The following FRMD4B variants were observed in gnomAD, a reference collection of about 807,000 sequenced individuals.
FRMD4B encodes the protein FERM domain containing 4B.
FRMD4B carries 74 observed loss-of-function variants against 141.5 expected under a neutral mutation model. The observed-to-expected ratio is 0.52, with a 90% confidence interval of 0.43 to 0.63. The LOEUF (loss-of-function observed/expected upper bound fraction) is 0.63. Among genes scored for constraint, FRMD4B ranks in the 30% least tolerant of loss-of-function variants. FRMD4B has a pLI of 0.00. For missense variants in FRMD4B, 1,366 were observed against 1,253.4 expected (o/e 1.09, Z -1.36); for synonymous variants, 506 against 467.9 (o/e 1.08, Z -1.05).
intron 11 of FRMD4B, among the ~76,000 whole-genome samples, chr3:69,206,934 A>G (rs762407407): frequency 3.3e-5 from 5 of 152,136 alleles, no homozygotes; most frequent in Non-Finnish European, 7.4e-5. Flanking sequence ...GAATTTAACA[A>G]CTTTAGCTTA....
chr3:69,531,130 G>C (rs1454894756), intron 1 of FRMD4B, among the ~76,000 whole-genome samples: 2 of 152,150 alleles, frequency 1.3e-5, no homozygotes, highest in Non-Finnish European at 2.9e-5. Flanking sequence ...ATCATTTCTT[G>C]GAGTGGGGTG....
At position 69,537,942 on chromosome 3, in the gene FRMD4B, C is replaced by T. The variant is rs188820457; in HGVS notation, c.-129+4264G>A. On this transcript the variant is annotated intron_variant, in intron 1 of 5. Transcript: ENST00000459638. ...CTTTGATGTCCTCTGTCTACATGGTCTGGGTAGGACTCCATTGCTGGGGCA... is the reference window on the plus strand; with the variant it reads ...CTTTGATGTCCTCTGTCTACATGGTTTGGGTAGGACTCCATTGCTGGGGCA... Among the ~76,000 whole-genome samples the T allele has an allele frequency of 1.4e-3, 213 of 152,340 alleles. 1 individual carries two copies. The highest frequency in any genetic ancestry group is 4.7e-3 in the African/African-American group (196 of 41,576).
chr3:69,498,173 G>T (rs1409400595), intron 1 of FRMD4B, among the ~76,000 whole-genome samples: 1 of 152,216 alleles, frequency 6.6e-6, no homozygotes, highest in Admixed American at 6.5e-5. Context: ...TGCCTCCAGA[G>T]TTGGACCTCA....
chr3:69,437,625 AAT>A (rs1239029152), intron 1 of FRMD4B, among the ~76,000 whole-genome samples: 1 of 137,166 alleles, frequency 7.3e-6, no homozygotes, highest in Non-Finnish European at 1.5e-5. Context: ...ATACTATATA[AAT>A]ATATATACTA....
chr3:69,427,646 T>G (rs960268805), intron 2 of FRMD4B, among the ~76,000 whole-genome samples: 1 of 111,144 alleles, frequency 9.0e-6, no homozygotes, highest in African/African-American at 3.7e-5. Context: ...GGTAAATGTT[T>G]TTTTTTTTTT....
At chr3:69,268,889 T>G (rs1419588705) in intron 5 of FRMD4B, among the ~76,000 whole-genome samples, 2 of 151,896 alleles carry the variant, frequency 1.3e-5, no homozygotes, top group Non-Finnish European at 2.9e-5. Context: ...TCTTGTATAA[T>G]TGTGGTTATA....
rs33955997 is a variant in FRMD4B at position 69,205,059 on chromosome 3, C to CAAAAAAA, written c.877-6292_877-6286dup. 9.6e-5 allele frequency among the ~76,000 whole-genome samples: 12 copies of CAAAAAAA among 124,356 alleles called. 1 individual carries two copies. Among genetic ancestry groups the CAAAAAAA allele is most frequent in the African/African-American group, 3.5e-4 (11 of 31,164 alleles). The allele number at this position is 124,356 out of a possible 152,430, so 81.6% of individuals were successfully genotyped here. ...GTATGGGTATCTGTTATGTTTTTAA[C>CAAAAAAA]AAAAAAAAAAAAAAAGAAAAAGAGA... is the stretch of plus-strand genomic sequence containing the variant. On this transcript the variant is annotated intron_variant, in intron 11 of 22. Coordinates refer to ENST00000398540, the MANE Select transcript of FRMD4B (RefSeq NM_015123.3).
At chr3:69,211,853 C>T (rs1418230755) in intron 11 of FRMD4B, among the ~76,000 whole-genome samples, 1 of 152,102 alleles carries the variant, frequency 6.6e-6, no homozygotes, top group Non-Finnish European at 1.5e-5. Context: ...TGCTCATGGT[C>T]CTTTAAATTA....
chr3:69,505,959 C>T (rs1046434555), intron 1 of FRMD4B, among the ~76,000 whole-genome samples: 3 of 152,306 alleles, frequency 2.0e-5, no homozygotes, highest in Non-Finnish European at 4.4e-5. Flanking sequence ...AACCAACTAA[C>T]AGTAGATAAG....
intron 3 of FRMD4B, among the ~76,000 whole-genome samples, chr3:69,304,610 C>T (rs1422606719): frequency 6.6e-6 from 1 of 152,038 alleles, no homozygotes; most frequent in African/African-American, 2.4e-5. Flanking sequence ...AAGAGCCTCA[C>T]CAAGTTCATA....
chr3:69,521,048 T>C (rs1263205056), intron 1 of FRMD4B, among the ~76,000 whole-genome samples: 2 of 152,184 alleles, frequency 1.3e-5, no homozygotes, highest in South Asian at 2.1e-4. Context: ...CTGGATCTTA[T>C]GGGGAGTTTC....
intron 7 of FRMD4B, among the ~76,000 whole-genome samples, chr3:69,242,994 CAAA>C (rs34623002): frequency 1.4e-4 from 16 of 111,788 alleles, no homozygotes; most frequent in East Asian, 7.7e-4. Flanking sequence ...AACTCTGTCT[CAAA>C]AAAAAAAAAA....
intron 11 of FRMD4B, among the ~76,000 whole-genome samples, chr3:69,203,662 A>C (rs972728093): frequency 1.3e-5 from 2 of 152,178 alleles, no homozygotes; most frequent in Non-Finnish European, 2.9e-5. Context: ...CAGTGTCTGC[A>C]TCTGTAAAAT....
chr3:69,314,088 G>A (rs1238097577), intron 1 of FRMD4B, among the ~76,000 whole-genome samples: 3 of 114,956 alleles, frequency 2.6e-5, no homozygotes, highest in African/African-American at 1.0e-4. Context: ...GCAGTGAGCC[G>A]AGATCGCGCC....
intron 4 of FRMD4B, among the ~76,000 whole-genome samples, chr3:69,301,014 G>A (rs1380569381): frequency 6.6e-6 from 1 of 152,014 alleles, no homozygotes; most frequent in Admixed American, 6.5e-5. Context: ...GGGATTACAG[G>A]CGTGAGCCAC....
chr3:69,494,715 A>G (rs1437318437), intron 1 of FRMD4B, among the ~76,000 whole-genome samples: 4 of 152,122 alleles, frequency 2.6e-5, no homozygotes, highest in Non-Finnish European at 5.9e-5. Context: ...AACATGGTGA[A>G]ACCCTGTCTC....
chr3:69,192,309 G>A (rs146253680), intron 17 of FRMD4B, among the ~76,000 whole-genome samples: 2,722 of 152,214 alleles, frequency 0.018, 31 homozygotes, highest in Non-Finnish European at 0.028. Context: ...CCAGGAAGTC[G>A]AGGCTGCAGT....
intron 2 of FRMD4B, among the ~76,000 whole-genome samples, chr3:69,411,358 A>G (rs1294904179): frequency 6.6e-6 from 1 of 152,188 alleles, no homozygotes; most frequent in African/African-American, 2.4e-5. Flanking sequence ...TCAACTCACA[A>G]AAATACAATT....
At chr3:69,330,829 G>A (rs1702346436) in intron 1 of FRMD4B, among the ~76,000 whole-genome samples, 1 of 152,166 alleles carries the variant, frequency 6.6e-6, no homozygotes, top group Admixed American at 6.6e-5. Context: ...ATGCCTCCCA[G>A]TTGTGTTGCT....
Sources: allele counts gnomAD v4.1 joint callset (sites outside exome capture counted in the v4.1 genomes callset), GRCh38; gene constraint gnomAD v4.1.1; transcripts MANE v1.5; gene names NCBI Gene and HGNC (gene_info 2026-07-23, HGNC 2026-07-21).